The following LMNB1 variants were observed in gnomAD, a reference collection of about 807,000 sequenced individuals.
The protein encoded by LMNB1 is lamin-B1.
Under a neutral mutation model 67.1 loss-of-function variants are expected in LMNB1, and 23 were observed. That is an observed-to-expected ratio of 0.34 (90% confidence interval 0.25 to 0.49). The LOEUF (loss-of-function observed/expected upper bound fraction) is 0.49. Among genes scored for constraint, LMNB1 ranks in the 20% least tolerant of loss-of-function variants. The probability of loss-of-function intolerance (pLI) is 0.99; values close to 1 mark genes in which losing one functional copy is unlikely to be tolerated. For missense variants in LMNB1, 634 were observed against 746.5 expected, an observed-to-expected ratio of 0.85 and a Z score of 1.76; for synonymous variants, 281 against 282.9, an observed-to-expected ratio of 0.99 and a Z score of 0.07.
chr5:126,836,298 A>T lies in LMNB1; in HGVS notation c.*34A>T. ...ACTGTCTTCCTCAAAATAAAGAAGT[A>T]TGGTAATCTTTACCTGTATACAGTG... On this transcript the variant is annotated 3_prime_UTR_variant, in exon 11 of 11. Coordinates refer to ENST00000261366, the MANE Select transcript of LMNB1 (RefSeq NM_005573.4). 6.9e-7 allele frequency: 1 copy of T among 1,459,534 alleles called. No individual in the cohort carries two copies. Among genetic ancestry groups the T allele is most frequent in the Non-Finnish European group, 9.6e-7 (1 of 1,039,564 alleles). The allele number at this position is 1,459,534 out of a possible 1,614,324, so 90.4% of individuals were successfully genotyped here. A position where few individuals can be genotyped will look rare whatever the true frequency, so the allele number is the denominator to read the frequency against.
intron 5 of LMNB1, among the ~76,000 whole-genome samples, chr5:126,812,653 T>G (rs1297056574): frequency 1.3e-5 from 2 of 152,198 alleles, no homozygotes; most frequent in African/African-American, 4.8e-5. Flanking sequence ...TAACTTCCGC[T>G]TCTATTTTCC....
chr5:126,812,997 G>A (rs886127383), intron 5 of LMNB1, among the ~76,000 whole-genome samples: 8 of 152,238 alleles, frequency 5.3e-5, no homozygotes, highest in Admixed American at 5.2e-4. Flanking sequence ...CCAGAGTGCT[G>A]GGATTACAGG....
At chr5:126,819,459 ATTAT>A (rs60317211) in intron 6 of LMNB1, among the ~76,000 whole-genome samples, 63,096 of 142,538 alleles carry the variant, frequency 0.44, 13,996 homozygotes, top group South Asian at 0.54. Flanking sequence ...GACTTTACAT[ATTAT>A]TTATTTATTT....
chr5:126,793,348 GT>G (rs1384106017), intron 1 of LMNB1, among the ~76,000 whole-genome samples: 4 of 151,890 alleles, frequency 2.6e-5, no homozygotes, highest in Non-Finnish European at 5.9e-5. Flanking sequence ...CAAAGAAGTG[GT>G]TTTGTGGTCC....
chr5:126,816,579 C>T (rs144869261), intron 5 of LMNB1, among the ~76,000 whole-genome samples: 2 of 152,290 alleles, frequency 1.3e-5, no homozygotes, highest in East Asian at 1.9e-4. Flanking sequence ...ACTGTGAACT[C>T]GTCTCCAGAC....
chr5:126,795,309 T>C (rs1751059318), intron 1 of LMNB1, among the ~76,000 whole-genome samples: 1 of 152,070 alleles, frequency 6.6e-6, no homozygotes, highest in South Asian at 2.1e-4. Flanking sequence ...AGCTAATTTT[T>C]GTATTCTTTG....
At chr5:126,801,164 T>C (rs1419818488) in intron 1 of LMNB1, among the ~76,000 whole-genome samples, 1 of 150,816 alleles carries the variant, frequency 6.6e-6, no homozygotes, top group East Asian at 1.9e-4. Context: ...TTTTTATTTT[T>C]AGTAGAGATG....
chr5:126,788,883 CA>C (rs1366438752), intron 1 of LMNB1, among the ~76,000 whole-genome samples: 2 of 139,500 alleles, frequency 1.4e-5, no homozygotes, highest in Non-Finnish European at 3.1e-5. Flanking sequence ...GGGAAGGAGA[CA>C]AGTTTTTTTT....
intron 9 of LMNB1, among the ~76,000 whole-genome samples, chr5:126,832,190 C>T (rs1752150771): frequency 6.6e-6 from 1 of 152,118 alleles, no homozygotes. Context: ...ATCGCTTGAA[C>T]CTGGGAAGTG....
chr5:126,795,175 C>G (rs574104296), intron 1 of LMNB1, among the ~76,000 whole-genome samples: 2 of 146,722 alleles, frequency 1.4e-5, no homozygotes, highest in East Asian at 4.0e-4. Context: ...TTGCCCAGAG[C>G]GACAGTGGCT....
In LMNB1 at chr5:126,815,738, G is replaced by A. The variant is rs183926661; in HGVS notation, c.940-3184G>A. Among the ~76,000 whole-genome samples, 7 of 152,304 alleles carry A rather than the reference G, an allele frequency of 4.6e-5. No individual in the cohort carries two copies. In the East Asian group the frequency reaches 1.4e-3, roughly 29 times the overall value. On this transcript the variant is annotated intron_variant, in intron 5 of 10. Coordinates refer to ENST00000261366, the MANE Select transcript of LMNB1 (RefSeq NM_005573.4). Reference sequence around the variant, plus strand: ...ATAGGTAGTTTCAATGGCAGAATTAGAAAGGAGAATCTAGGTCTAACTTCT... The same window carrying A: ...ATAGGTAGTTTCAATGGCAGAATTAAAAAGGAGAATCTAGGTCTAACTTCT...
At chr5:126,834,978 T>G (rs1050722905) in intron 10 of LMNB1, among the ~76,000 whole-genome samples, 1 of 152,162 alleles carries the variant, frequency 6.6e-6, no homozygotes, top group East Asian at 1.9e-4. Context: ...TAAACTGACA[T>G]AGTCTGGAAT....
intron 9 of LMNB1, among the ~76,000 whole-genome samples, chr5:126,827,955 C>A (rs1241334859): frequency 1.3e-5 from 2 of 152,186 alleles, no homozygotes; most frequent in Non-Finnish European, 2.9e-5. Flanking sequence ...AGAGGAAGCA[C>A]ACTGAGGGCA....
At chr5:126,798,762 A>AGTGTGTGTGTGTGTGTGT (rs71665643) in intron 1 of LMNB1, among the ~76,000 whole-genome samples, 15 of 149,070 alleles carry the variant, frequency 1.0e-4, no homozygotes, top group Non-Finnish European at 1.6e-4. Context: ...AAAAAAGAGA[A>AGTGTGTGTGTGTGTGTGT]GTGTGTGTGT....
At chr5:126,811,990 CCTCT>C (rs1751589368) in intron 5 of LMNB1, 92 bp downstream of exon 5, 2 of 1,275,768 alleles carry the variant, frequency 1.6e-6, no homozygotes, top group Non-Finnish European at 2.2e-6. Context: ...GTCACTCCTC[CCTCT>C]GTTTGTTACA....
intron 1 of LMNB1, among the ~76,000 whole-genome samples, chr5:126,786,093 G>A (rs1481283742): frequency 6.8e-6 from 1 of 146,268 alleles, no homozygotes; most frequent in Non-Finnish European, 1.5e-5. Context: ...CATTACAGTA[G>A]ATGCTTTACA....
chr5:126,813,449 A>C (rs1751627868), intron 5 of LMNB1, among the ~76,000 whole-genome samples: 1 of 152,214 alleles, frequency 6.6e-6, no homozygotes, highest in Non-Finnish European at 1.5e-5. Context: ...ATTTTCTTCA[A>C]AGAAGATTTA....
chr5:126,807,208 G>T (rs1041375713), intron 3 of LMNB1, among the ~76,000 whole-genome samples: 2 of 152,208 alleles, frequency 1.3e-5, no homozygotes, highest in Non-Finnish European at 2.9e-5. Flanking sequence ...CATGAAAATT[G>T]TAGAGGGTTG....
intron 5 of LMNB1, among the ~76,000 whole-genome samples, chr5:126,813,018 C>T (rs1349726252): frequency 1.3e-5 from 2 of 152,122 alleles, no homozygotes; most frequent in African/African-American, 2.4e-5. Context: ...CGTGAGCCAC[C>T]GTGCCCAGCC....
Sources: gnomAD v4.1 joint callset for allele counts (sites outside exome capture counted in the v4.1 genomes callset) on GRCh38, gnomAD v4.1.1 for gene constraint, MANE v1.5 for transcripts, NCBI Gene and HGNC (gene_info 2026-07-23, HGNC 2026-07-21) for gene names.